Variants in ZNF813 observed in about 807,000 individuals in gnomAD.
The protein encoded by ZNF813 is zinc finger protein 813.
ZNF813 carries 3 observed loss-of-function variants against 7.2 expected under a neutral mutation model. The observed-to-expected ratio is 0.42, with a 90% CI of 0.19 to 1.08. ZNF813 has a LOEUF of 1.08. Ranked by LOEUF, ZNF813 falls within the 50% of genes least tolerant of loss-of-function variation. ZNF813 has a pLI of 0.30. For missense variants in ZNF813, 714 were observed against 753.3 expected, an observed-to-expected ratio of 0.95 and a Z score of 0.61; for synonymous variants, 227 against 256.3, an observed-to-expected ratio of 0.89 and a Z score of 1.09.
In ZNF813 at chr19:53,495,023, C is replaced by CA. The variant is rs35975568; in HGVS notation, c.*2948dup. On this transcript the variant is annotated 3_prime_UTR_variant, in exon 4 of 4. Coordinates refer to ENST00000396403, the MANE Select transcript of ZNF813 (RefSeq NM_001004301.4). ...TGGGTGATGGAGCGAGATACTGGCTCAAAAAAAAAAATACTTCTTGTAAAG... is the reference window on the plus strand; with the variant it reads ...TGGGTGATGGAGCGAGATACTGGCTCAAAAAAAAAAAATACTTCTTGTAAAG... 742 of 148,562 alleles carry CA rather than the reference C, an allele frequency of 5.0e-3. 5 individuals are homozygous for CA. Among genetic ancestry groups the CA allele is most frequent in the Middle Eastern group, 0.024 (7 of 286 alleles). 9.2% of individuals were successfully genotyped at this position (148,562 alleles called of 1,614,324 possible).
chr19:53,485,459 CA>C lies in ZNF813; in HGVS notation c.16-1172del, dbSNP rs543353493. Among the ~76,000 whole-genome samples the C allele has an allele frequency of 2.3e-3, 345 of 152,224 alleles. 1 individual carries two copies. Among genetic ancestry groups the C allele is most frequent in the Non-Finnish European group, 2.1e-3 (140 of 68,022 alleles). Reference sequence around the variant, plus strand: ...ATGTATATATTTTGAACAACTTTTACAGTTTGAAAATCTGGGGAAAATGACA... The same window carrying C: ...ATGTATATATTTTGAACAACTTTTACGTTTGAAAATCTGGGGAAAATGACA... On this transcript the variant is annotated intron_variant, in intron 2 of 3. Transcript: ENST00000396403.
At chr19:53,483,706 A>G (rs1217995609) in intron 1 of ZNF813, 44 bp from the exon 2 acceptor site, 112 of 1,563,174 alleles carry the variant, frequency 7.2e-5, no homozygotes, top group Non-Finnish European at 9.3e-5. Flanking sequence ...CAGGGAGGGG[A>G]TGTGTTGATT....
intron 2 of ZNF813, among the ~76,000 whole-genome samples, chr19:53,485,036 CTGTCAGTTCGG>C (rs2086425725): frequency 1.3e-5 from 2 of 152,316 alleles, no homozygotes; most frequent in South Asian, 4.1e-4. Context: ...GGAGCCGCTA[CTGTCAGTTCGG>C]TGTCAGGTGT....
At chr19:53,468,940 C>T (rs2708725) in intron 1 of ZNF813, among the ~76,000 whole-genome samples, 30,537 of 151,764 alleles carry the variant, frequency 0.2, 3,139 homozygotes, top group Admixed American at 0.22. Flanking sequence ...AAGGTCTTTC[C>T]TTTCCCACGA....
At chr19:53,488,994 A>G (rs1292484195) in intron 3 of ZNF813, among the ~76,000 whole-genome samples, 2 of 152,040 alleles carry the variant, frequency 1.3e-5, no homozygotes, top group Non-Finnish European at 2.9e-5. Context: ...TATAACTGAC[A>G]CAGTCCACTA....
intron 1 of ZNF813, among the ~76,000 whole-genome samples, chr19:53,473,840 A>G (rs1191775889): frequency 6.6e-6 from 1 of 152,180 alleles, no homozygotes; most frequent in Non-Finnish European, 1.5e-5. Flanking sequence ...GAACTCTCAT[A>G]AGGTGAATAC....
At chr19:53,489,362 G>A (rs2927693) in intron 3 of ZNF813, among the ~76,000 whole-genome samples, 5,695 of 152,174 alleles carry the variant, frequency 0.037, 301 homozygotes, top group African/African-American at 0.12. Flanking sequence ...CAGGACTTTG[G>A]GAAGCTGAGG....
At chr19:53,478,967 T>A (rs989932181) in intron 1 of ZNF813, among the ~76,000 whole-genome samples, 1 of 151,264 alleles carries the variant, frequency 6.6e-6, no homozygotes, top group African/African-American at 2.4e-5. Flanking sequence ...CAGAATCTTA[T>A]GCAGTGACCC....
chr19:53,468,265 C>T (rs921981784), intron 1 of ZNF813, among the ~76,000 whole-genome samples: 7 of 143,812 alleles, frequency 4.9e-5, no homozygotes, highest in Non-Finnish European at 3.0e-5. Flanking sequence ...CTGCTGCTTC[C>T]TAGGTCTCCC....
chr19:53,492,222 C>A lies in ZNF813; in HGVS notation c.*136C>A. The A allele has an allele frequency of 7.4e-7, 1 of 1,344,130 alleles. No homozygotes were observed. Among genetic ancestry groups the A allele is most frequent in the Non-Finnish European group, 1.0e-6 (1 of 985,392 alleles). The allele number at this position is 1,344,130 out of a possible 1,614,324, so 83.3% of individuals were successfully genotyped here. On this transcript the variant is annotated 3_prime_UTR_variant, in exon 4 of 4. Coordinates refer to ENST00000396403, the MANE Select transcript of ZNF813 (RefSeq NM_001004301.4). ...ACTGGAGAGAAACAAGTGTAATGAA[C>A]GTTGCAAAATTTTTAATCAACAAGC...
Position 53,491,266 on chromosome 19 carries a change from A to G in ZNF813, c.1034A>G (p.His345Arg). ...AGTCAGACGTCATCCCTTACATGCC[A>G]TCGTAGACTTCATACTGGAGAGAAA... Reference protein sequence around the residue: ...TFSQTSSLTCHRRLHTGEKPF... With the variant: ...TFSQTSSLTCRRRLHTGEKPF... Residue 345 changes from histidine to arginine, a missense_variant, in exon 4 of 4, where the codon CAT becomes CGT. Around this residue, in one of 3 missense-constraint regions of ZNF813, gnomAD observed 563 missense variants for 554.2 expected, o/e 1.02. Transcript: ENST00000396403. The G allele has an allele frequency of 2.5e-6, 4 of 1,614,174 alleles. No individual in the cohort carries two copies. The highest frequency in any genetic ancestry group is 4.5e-5 in the East Asian group (2 of 44,884).
chr19:53,475,348 A>G (rs1325691158), intron 1 of ZNF813, among the ~76,000 whole-genome samples: 1 of 152,278 alleles, frequency 6.6e-6, no homozygotes, highest in Non-Finnish European at 1.5e-5. Context: ...AAACTCTTCT[A>G]GCACAGAACT....
At chr19:53,487,663 T>C (rs1415520427) in intron 3 of ZNF813, among the ~76,000 whole-genome samples, 1 of 151,992 alleles carries the variant, frequency 6.6e-6, no homozygotes, top group African/African-American at 2.4e-5. Context: ...CCGGACACTG[T>C]GGTGGGCATC....
rs538465582 is a variant in ZNF813, at chr19:53,490,989, A to G, written c.757A>G (p.Asn253Asp). 2 of 1,614,208 alleles carry G rather than the reference A, an allele frequency of 1.2e-6. No individual in the cohort carries two copies. Among genetic ancestry groups the G allele is most frequent in the Non-Finnish European group, 1.7e-6 (2 of 1,180,028 alleles). ...YKCDVCGKVF[N>D]RKRNLVCHRR... ...ATGTGATGTATGTGGCAAGGTCTTT[A>G]ATCGGAAGCGAAACCTAGTGTGCCA... Residue 253 changes from asparagine (N) to aspartate (D), a missense_variant, in exon 4 of 4, where the codon AAT (asparagine) becomes GAT (aspartate). Around this residue, in one of 3 missense-constraint regions of ZNF813, gnomAD observed 563 missense variants for 554.2 expected, o/e 1.02. Transcript: ENST00000396403.
intron 1 of ZNF813, among the ~76,000 whole-genome samples, chr19:53,470,772 G>A (rs1439709980): frequency 6.6e-6 from 1 of 151,406 alleles, no homozygotes; most frequent in Non-Finnish European, 1.5e-5. Context: ...TATTGTCATT[G>A]ATTTCTAGGC....
chr19:53,473,468 T>C (rs1270504050), intron 1 of ZNF813, among the ~76,000 whole-genome samples: 1 of 152,202 alleles, frequency 6.6e-6, no homozygotes, highest in Non-Finnish European at 1.5e-5. Context: ...TCAGCTGAGT[T>C]GGATGGTCTG....
At chr19:53,469,647 GA>G (rs1161895565) in intron 1 of ZNF813, among the ~76,000 whole-genome samples, 1 of 151,990 alleles carries the variant, frequency 6.6e-6, no homozygotes, top group Non-Finnish European at 1.5e-5. Flanking sequence ...AAGGTAGGGA[GA>G]GGGGCAGCAA....
At chr19:53,469,574 G>A (rs1218677206) in intron 1 of ZNF813, among the ~76,000 whole-genome samples, 1 of 152,112 alleles carries the variant, frequency 6.6e-6, no homozygotes. Flanking sequence ...AAGAAAGCAG[G>A]AGGAGAAAAG....
Position 53,492,250 on chromosome 19 carries a change from A to T in ZNF813, c.*164A>T. 2 of 995,300 alleles carry T rather than the reference A, an allele frequency of 2.0e-6. No homozygotes were observed. The highest frequency in any genetic ancestry group is 3.0e-6 in the Non-Finnish European group (2 of 663,726). 61.7% of individuals were successfully genotyped at this position (995,300 alleles called of 1,614,324 possible). On this transcript the variant is annotated 3_prime_UTR_variant, in exon 4 of 4. Coordinates refer to ENST00000396403, the MANE Select transcript of ZNF813 (RefSeq NM_001004301.4). The stretch of plus-strand genomic sequence containing the variant: ...TGCAAAATTTTTAATCAACAAGCAC[A>T]CCTTCCACGTCATCATAGACTTCAT...
Sources: gnomAD v4.1 joint callset for allele counts (sites outside exome capture counted in the v4.1 genomes callset) on GRCh38, gnomAD v4.1.1 for gene constraint, gnomAD v4.1.1 regional missense constraint, MANE v1.5 for transcripts, NCBI Gene and HGNC (gene_info 2026-07-23, HGNC 2026-07-21) for gene names.